Variants in CEP135 observed in about 807,000 individuals in gnomAD.
The protein encoded by CEP135 is centrosomal protein of 135 kDa.
CEP135 carries 142 observed loss-of-function variants against 157.3 expected under a neutral mutation model. The observed-to-expected ratio is 0.90, with a 90% CI of 0.79 to 1.04. CEP135 has a LOEUF of 1.04. Ranked by LOEUF, CEP135 falls within the 50% of genes least tolerant of loss-of-function variation. The pLI, the probability that CEP135 is intolerant of heterozygous loss-of-function variation, is 0.00. For missense variants in CEP135, 1,317 were observed against 1,309.2 expected (o/e 1.01, Z -0.09); for synonymous variants, 396 against 439.8 (o/e 0.90, Z 1.25).
chr4:55,955,384 T>C (rs1056207110), intron 4 of CEP135, among the ~76,000 whole-genome samples: 1 of 152,178 alleles, frequency 6.6e-6, no homozygotes, highest in Non-Finnish European at 1.5e-5. Context: ...AAGGCCAAAG[T>C]GTATCATCTT....
chr4:55,954,086 C>T (rs1728438076), intron 3 of CEP135, 130 bp from the exon 4 acceptor site: 1 of 702,984 alleles, frequency 1.4e-6, no homozygotes, highest in Non-Finnish European at 2.3e-6. Flanking sequence ...GAATAAGTGT[C>T]AACTAAAGCA....
chr4:55,978,269 G>A (rs1270428476), intron 11 of CEP135, among the ~76,000 whole-genome samples: 2 of 152,090 alleles, frequency 1.3e-5, no homozygotes, highest in Non-Finnish European at 2.9e-5. Flanking sequence ...GGCCCTCATG[G>A]AGCTTAAATT....
intron 2 of CEP135, 163 bp downstream of exon 2, chr4:55,952,406 C>T (rs149862973): frequency 1.8e-5 from 10 of 549,222 alleles, no homozygotes; most frequent in Non-Finnish European, 3.3e-5. Flanking sequence ...GCCTTCCACA[C>T]GGCAGAACTC....
At chr4:55,988,129 C>G (rs895265258) in intron 14 of CEP135, among the ~76,000 whole-genome samples, 22 of 127,134 alleles carry the variant, frequency 1.7e-4, no homozygotes, top group Admixed American at 6.1e-4. Context: ...AGGATTATAT[C>G]AGGTTTATAA....
At chr4:55,999,736 A>G in intron 17 of CEP135, 91 bp downstream of exon 17, 1 of 1,319,986 alleles carries the variant, frequency 7.6e-7, no homozygotes, top group Non-Finnish European at 1.0e-6. Context: ...TCTGTCACTC[A>G]GGCTGGAGTG....
In CEP135 at chr4:56,005,758, G is replaced by A. The variant is rs114130089; in HGVS notation, c.2281-2569G>A. ...TCTTTCAAATTGAAAAACTCCCTTA[G>A]CATTTCTTTTAAGATATGCCTGTTC... On this transcript the variant is annotated intron_variant, in intron 17 of 25. Transcript: ENST00000257287. 6.6e-3 allele frequency among the ~76,000 whole-genome samples: 1,000 copies of A among 152,174 alleles called. 12 individuals carry two copies. Among genetic ancestry groups the A allele is most frequent in the African/African-American group, 0.023 (945 of 41,516 alleles).
Position 56,019,384 on chromosome 4 carries a change from A to G in CEP135, c.3044A>G (p.Glu1015Gly). ...VVVELENVKS[E>G]SDLLKKQLSN... ...GTGGAATTAGAAAATGTAAAGTCAGAGTCAGACCTACTGAAAAAACAACTT... is the reference window on the plus strand; with the variant it reads ...GTGGAATTAGAAAATGTAAAGTCAGGGTCAGACCTACTGAAAAAACAACTT... Residue 1015 changes from glutamate to glycine, a missense_variant, in exon 23 of 26, where the codon GAG becomes GGG. Transcript: ENST00000257287. 6.2e-7 allele frequency: 1 copy of G among 1,613,506 alleles called. No individual in the cohort carries two copies.
intron 15 of CEP135, among the ~76,000 whole-genome samples, chr4:55,995,494 G>A (rs1275992927): frequency 2.6e-5 from 4 of 152,190 alleles, no homozygotes; most frequent in South Asian, 4.1e-4. Flanking sequence ...AGACTGTGCC[G>A]GCTATATAGT....
At chr4:55,950,937 T>C (rs1728344654) in intron 1 of CEP135, among the ~76,000 whole-genome samples, 1 of 152,224 alleles carries the variant, frequency 6.6e-6, no homozygotes, top group Non-Finnish European at 1.5e-5. Context: ...GCAGCCCGCC[T>C]CACCTCCCCA....
rs76749521 is a variant in CEP135, at chr4:56,007,907, T to C, written c.2281-420T>C. On this transcript the variant is annotated intron_variant, in intron 17 of 25. Coordinates refer to ENST00000257287, the MANE Select transcript of CEP135 (RefSeq NM_025009.5). ...ATTGTATATTTATTTTTGGTTTTCT[T>C]TGTCAGGATTGAAGTCAGCTTGTGA... 2.4e-3 allele frequency among the ~76,000 whole-genome samples: 367 copies of C among 152,290 alleles called. 10 individuals carry two copies. The East Asian group carries it at 0.062, about 26-fold the overall frequency.
At chr4:56,013,102 C>T (rs901977326) in intron 21 of CEP135, among the ~76,000 whole-genome samples, 5 of 152,106 alleles carry the variant, frequency 3.3e-5, no homozygotes, top group Non-Finnish European at 4.4e-5. Flanking sequence ...GGGAATAGAG[C>T]GGTATCTCGT....
At position 55,977,825 on chromosome 4, in the gene CEP135, A is replaced by G. The variant is rs367735451; in HGVS notation, c.1474-2318A>G. Among the ~76,000 whole-genome samples, 5 of 152,326 alleles carry G rather than the reference A, an allele frequency of 3.3e-5. No individual in the cohort carries two copies. In the East Asian group the frequency reaches 5.8e-4, roughly 18 times the overall value. On this transcript the variant is annotated intron_variant, in intron 11 of 25. Transcript: ENST00000257287. ...CCTTTGATCATGAAATAATTTGTGT[A>G]AGGACCCAGCGTAACATCTAGTTAC...
chr4:56,010,802 G>A (rs1450820877), intron 19 of CEP135, among the ~76,000 whole-genome samples: 5 of 152,128 alleles, frequency 3.3e-5, no homozygotes, highest in Admixed American at 1.3e-4. Context: ...ATTATTTTCC[G>A]TATTATTCAG....
At chr4:56,021,666 G>T (rs1177122658) in intron 24 of CEP135, among the ~76,000 whole-genome samples, 1 of 151,980 alleles carries the variant, frequency 6.6e-6, no homozygotes, top group East Asian at 1.9e-4. Context: ...ACCTATTTAC[G>T]TCAAAACTTT....
chr4:55,995,318 G>T (rs574078015), intron 15 of CEP135, among the ~76,000 whole-genome samples: 3 of 152,082 alleles, frequency 2.0e-5, no homozygotes, highest in Non-Finnish European at 4.4e-5. Context: ...GTATTTTGTT[G>T]TTGTCTGTTT....
intron 25 of CEP135, among the ~76,000 whole-genome samples, chr4:56,029,495 G>A (rs1275251272): frequency 1.3e-5 from 2 of 152,156 alleles, no homozygotes; most frequent in Non-Finnish European, 2.9e-5. Flanking sequence ...GGAGCTGTGG[G>A]CCAAGAACCA....
chr4:56,020,627 C>T (rs1373360643), intron 23 of CEP135, 49 bp from the exon 24 acceptor site: 1 of 1,494,314 alleles, frequency 6.7e-7, no homozygotes, highest in Non-Finnish European at 9.3e-7. Context: ...CAGCACCTGA[C>T]TCTACAAAAC....
intron 5 of CEP135, among the ~76,000 whole-genome samples, chr4:55,958,592 CTTT>C (rs1175802595): frequency 6.6e-6 from 1 of 152,096 alleles, no homozygotes; most frequent in Admixed American, 6.5e-5. Context: ...TGACATTAGT[CTTT>C]TTTAATTGTC....
At chr4:56,011,601 A>G in intron 20 of CEP135, 79 bp downstream of exon 20, 2 of 1,054,964 alleles carry the variant, frequency 1.9e-6, no homozygotes. Context: ...CTACAATTAG[A>G]TATTAAACAT....
Sources: gnomAD v4.1 joint callset for allele counts (sites outside exome capture counted in the v4.1 genomes callset) on GRCh38, gnomAD v4.1.1 for gene constraint, MANE v1.5 for transcripts, NCBI Gene and HGNC (gene_info 2026-07-23, HGNC 2026-07-21) for gene names.